SYCP2L: variants seen among roughly 807,000 people sequenced by gnomAD.
SYCP2L encodes the protein synaptonemal complex protein 2 like, also known as synaptonemal complex protein 2-like.
SYCP2L carries 98 observed loss-of-function variants against 125.8 expected under a neutral mutation model. That is an observed-to-expected ratio of 0.78 (90% confidence interval 0.66 to 0.92). SYCP2L has a LOEUF of 0.92. Ranked by LOEUF, SYCP2L falls within the 40% of genes least tolerant of loss-of-function variation. The probability of loss-of-function intolerance (pLI) is 0.00; values close to 1 mark genes in which losing one functional copy is unlikely to be tolerated. For synonymous variants in SYCP2L, 317 were observed against 325.4 expected (o/e 0.97, Z 0.28); for missense variants, 842 against 936.4 (o/e 0.90, Z 1.32).
intron 23 of SYCP2L, among the ~76,000 whole-genome samples, chr6:10,949,322 A>G (rs1375309428): frequency 1.3e-5 from 2 of 152,146 alleles, no homozygotes; most frequent in Admixed American, 1.3e-4. Context: ...TTTTGTTACC[A>G]TCAATGGTTA....
At chr6:10,938,106 C>T (rs76611144) in intron 21 of SYCP2L, among the ~76,000 whole-genome samples, 2,915 of 152,074 alleles carry the variant, frequency 0.019, 115 homozygotes, top group African/African-American at 0.066. Flanking sequence ...AAGAATGCTA[C>T]AAGAAAAGAA....
intron 12 of SYCP2L, among the ~76,000 whole-genome samples, chr6:10,911,105 C>A (rs192605570): frequency 5.3e-5 from 8 of 152,308 alleles, no homozygotes; most frequent in Admixed American, 4.6e-4. Flanking sequence ...ATTTTAGGGT[C>A]TGTACTGTGT....
In SYCP2L at chr6:10,896,131, G is replaced by GT. The variant is rs553252232; in HGVS notation, c.337-1879dup. ...ACTGCACTCCAGTCTGCGTGACAGAGTGAGACCCTGTCTCCAAAACAAAAC... is the reference window on the plus strand; with the variant it reads ...ACTGCACTCCAGTCTGCGTGACAGAGTTGAGACCCTGTCTCCAAAACAAAAC... On this transcript the variant is annotated intron_variant, in intron 4 of 29. Transcript: ENST00000283141. 2.2e-4 allele frequency among the ~76,000 whole-genome samples: 34 copies of GT among 152,308 alleles called. No homozygotes were observed. The South Asian group carries it at 7.0e-3, about 32-fold the overall frequency.
At chr6:10,967,061 A>C (rs910875625) in intron 29 of SYCP2L, among the ~76,000 whole-genome samples, 1 of 152,196 alleles carries the variant, frequency 6.6e-6, no homozygotes, top group Non-Finnish European at 1.5e-5. Context: ...TAGAAACAGC[A>C]ATATGTCAAT....
At position 10,912,132 on chromosome 6, in the gene SYCP2L, A is replaced by G. The variant is rs1256343468; in HGVS notation, c.919-541A>G. On this transcript the variant is annotated intron_variant, in intron 12 of 29. Transcript: ENST00000283141. This position sits in a 1 kb window ranked among gnomAD's most constrained non-coding sequence, Gnocchi z 4.1. ...TATGAAAAACTGAGGGGCAGAGAAG[A>G]TGTTTACTGTTTCTATAAACACCAT... is the stretch of plus-strand genomic sequence containing the variant. Among the ~76,000 whole-genome samples the G allele has an allele frequency of 1.8e-4, 27 of 152,066 alleles. No homozygotes were observed. Among genetic ancestry groups the G allele is most frequent in the Admixed American group, 1.7e-3 (26 of 15,262 alleles).
At chr6:10,890,111 C>T (rs950342036) in intron 1 of SYCP2L, among the ~76,000 whole-genome samples, 2 of 152,286 alleles carry the variant, frequency 1.3e-5, no homozygotes, top group East Asian at 1.9e-4. Flanking sequence ...TCCATTCATC[C>T]ACTGATGGAC....
intron 29 of SYCP2L, 35 bp downstream of exon 29, chr6:10,963,878 G>A (rs1581846381): frequency 2.6e-6 from 4 of 1,546,176 alleles, no homozygotes; most frequent in Non-Finnish European, 3.6e-6. Flanking sequence ...CAGTGGATGT[G>A]AATCGGGGTC....
At chr6:10,927,860 G>A (rs180994489) in intron 17 of SYCP2L, among the ~76,000 whole-genome samples, 9 of 152,084 alleles carry the variant, frequency 5.9e-5, no homozygotes, top group Admixed American at 5.2e-4. Flanking sequence ...ACCCAAGGGG[G>A]CCATTTTAGA....
chr6:10,961,399 G>A lies in SYCP2L; in HGVS notation c.2350G>A (p.Val784Ile). Residue 784 changes from valine to isoleucine, a missense_variant, in exon 27 of 30, where the codon GTT (valine) becomes ATT (isoleucine). Val to Ile is a conservative substitution (Grantham distance 29). Transcript: ENST00000283141. ...GGCCCTGGAACACCTTGAGAAGGAG[G>A]TTCTGGTAAGTTCTTTTTGTGTGGA... ...IQALEHLEKE[V>I]LEFWGKQSAD... 6.2e-7 allele frequency: 1 copy of A among 1,614,072 alleles called. No individual in the cohort carries two copies. The highest frequency in any genetic ancestry group is 8.5e-7 in the Non-Finnish European group (1 of 1,179,962).
chr6:10,893,158 C>G (rs1038757265), intron 2 of SYCP2L, among the ~76,000 whole-genome samples: 1 of 152,036 alleles, frequency 6.6e-6, no homozygotes, highest in Non-Finnish European at 1.5e-5. Context: ...GCCACCACGT[C>G]TGGCTAATTT....
At chr6:10,956,029 C>A in intron 24 of SYCP2L, 107 bp from the exon 25 acceptor site, 1 of 859,314 alleles carries the variant, frequency 1.2e-6, no homozygotes, top group South Asian at 1.6e-5. Context: ...TTCCATGGTT[C>A]GCATCTGTGC....
intron 10 of SYCP2L, among the ~76,000 whole-genome samples, chr6:10,909,283 C>T (rs890751171): frequency 9.9e-5 from 15 of 152,028 alleles, no homozygotes; most frequent in Middle Eastern, 3.4e-3. Flanking sequence ...CGTGTGCCAC[C>T]ACTCCCGGCT....
At chr6:10,924,672 A>G in intron 15 of SYCP2L, 31 bp downstream of exon 15, 3 of 1,483,930 alleles carry the variant, frequency 2.0e-6, no homozygotes, top group Non-Finnish European at 2.7e-6. Flanking sequence ...GGATTATTTA[A>G]AAATGTTTTA....
intron 21 of SYCP2L, among the ~76,000 whole-genome samples, chr6:10,937,374 TAAA>T (rs1162981421): frequency 6.6e-6 from 1 of 151,946 alleles, no homozygotes; most frequent in Non-Finnish European, 1.5e-5. Context: ...AAAGGGAAAT[TAAA>T]AAATCTTGAG....
At chr6:10,967,054 A>C (rs986703197) in intron 29 of SYCP2L, among the ~76,000 whole-genome samples, 1 of 152,214 alleles carries the variant, frequency 6.6e-6, no homozygotes, top group East Asian at 1.9e-4. Flanking sequence ...AAGATATTAG[A>C]AACAGCAATA....
chr6:10,935,730 A>G (rs1781082084), intron 21 of SYCP2L, among the ~76,000 whole-genome samples: 1 of 152,080 alleles, frequency 6.6e-6, no homozygotes, highest in Non-Finnish European at 1.5e-5. Flanking sequence ...CCTGACCTCA[A>G]GTGATCTGCC....
chr6:10,888,243 C>T (rs1004259794), intron 1 of SYCP2L, among the ~76,000 whole-genome samples: 2 of 151,624 alleles, frequency 1.3e-5, no homozygotes, highest in Non-Finnish European at 2.9e-5. Context: ...ACTACAGGCG[C>T]GCGCCACCAC....
chr6:10,908,126 G>A (rs185373682), intron 10 of SYCP2L, among the ~76,000 whole-genome samples: 1 of 152,076 alleles, frequency 6.6e-6, no homozygotes, highest in African/African-American at 2.4e-5. Context: ...GACCTCAGGT[G>A]ATCCGCCCAC....
intron 23 of SYCP2L, among the ~76,000 whole-genome samples, chr6:10,948,281 G>T (rs1051352141): frequency 7.9e-5 from 12 of 151,964 alleles, no homozygotes; most frequent in African/African-American, 2.9e-4. Flanking sequence ...CATATCTCAG[G>T]TCTCTAGAAC....
Sources: gnomAD v4.1 joint callset for allele counts (sites outside exome capture counted in the v4.1 genomes callset) on GRCh38, gnomAD v4.1.1 for gene constraint, Gnocchi (gnomAD v3.1) non-coding constraint, MANE v1.5 for transcripts, NCBI Gene and HGNC (gene_info 2026-07-23, HGNC 2026-07-21) for gene names.